Variants in RIPOR3 observed in about 807,000 individuals in gnomAD.
RIPOR3 encodes RIPOR family member 3, also known as family with sequence similarity 65 member C.
In RIPOR3, 95 loss-of-function variants were observed where a neutral mutation model predicts 114.3. The observed-to-expected ratio is 0.83, with a 90% CI of 0.70 to 0.99. The LOEUF (loss-of-function observed/expected upper bound fraction) is 0.99, where lower values mean the gene tolerates loss of function less well. RIPOR3 is among the 50% of genes least tolerant of loss of function. RIPOR3 has a pLI of 0.00. For missense variants in RIPOR3, 1,252 were observed against 1,266.9 expected, an observed-to-expected ratio of 0.99 and a Z score of 0.18; for synonymous variants, 575 against 543.8, an observed-to-expected ratio of 1.06 and a Z score of -0.80.
intron 1 of RIPOR3, among the ~76,000 whole-genome samples, chr20:50,639,061 G>T (rs1033120590): frequency 6.6e-6 from 1 of 152,232 alleles, no homozygotes. Flanking sequence ...GGTCAACATG[G>T]TGAAACCCCA....
chr20:50,616,807 G>T (rs2084188652), intron 3 of RIPOR3, among the ~76,000 whole-genome samples: 1 of 152,142 alleles, frequency 6.6e-6, no homozygotes, highest in African/African-American at 2.4e-5. Context: ...CCAAGCTGGG[G>T]CCCAGCTCAT....
intron 11 of RIPOR3, among the ~76,000 whole-genome samples, chr20:50,607,019 C>T (rs1016876503): frequency 2.6e-4 from 39 of 152,204 alleles, no homozygotes; most frequent in African/African-American, 6.3e-4. Context: ...TGTGAGCCAC[C>T]GCGCCCAACC....
At chr20:50,629,871 C>A (rs140463909) in intron 2 of RIPOR3, among the ~76,000 whole-genome samples, 27 of 152,318 alleles carry the variant, frequency 1.8e-4, no homozygotes, top group Non-Finnish European at 3.2e-4. Flanking sequence ...CAACCCCGCC[C>A]GTGGAAGACC....
chr20:50,668,451 G>A (rs938120645), intron 1 of RIPOR3, among the ~76,000 whole-genome samples: 1 of 152,128 alleles, frequency 6.6e-6, no homozygotes, highest in Non-Finnish European at 1.5e-5. Flanking sequence ...TCCTGCAGAG[G>A]CCCCAACCTT....
intron 1 of RIPOR3, among the ~76,000 whole-genome samples, chr20:50,680,131 C>T (rs567933097): frequency 6.6e-6 from 1 of 152,222 alleles, no homozygotes; most frequent in Non-Finnish European, 1.5e-5. Flanking sequence ...CACCCCCACC[C>T]TCCGCTGGCC....
intron 1 of RIPOR3, among the ~76,000 whole-genome samples, chr20:50,661,825 C>T (rs539077219): frequency 1.9e-4 from 29 of 152,344 alleles, no homozygotes; most frequent in Non-Finnish European, 3.5e-4. Context: ...CCGCGCAGGA[C>T]AGCTGCTGTC....
chr20:50,639,155 T>A (rs1384881936), intron 1 of RIPOR3, among the ~76,000 whole-genome samples: 1 of 151,682 alleles, frequency 6.6e-6, no homozygotes, highest in Non-Finnish European at 1.5e-5. Flanking sequence ...GGCAGGAGAA[T>A]TGCTTGAACC....
chr20:50,613,471 A>G (rs568535633), intron 4 of RIPOR3, among the ~76,000 whole-genome samples: 6 of 151,780 alleles, frequency 4.0e-5, no homozygotes, highest in Admixed American at 1.3e-4. Context: ...AGAAAAGAAA[A>G]GAAAAGAAAT....
At chr20:50,679,351 C>T (rs1426141305) in intron 1 of RIPOR3, among the ~76,000 whole-genome samples, 2 of 150,712 alleles carry the variant, frequency 1.3e-5, no homozygotes, top group African/African-American at 4.9e-5. Context: ...GGCCAACAAA[C>T]AGTGGACTGG....
At position 50,602,731 on chromosome 20, in the gene RIPOR3, G is replaced by A. The variant is rs112308746; in HGVS notation, c.1087-87C>T. ...GAGGGGCTTCCCCTGACAGACACCC[G>A]CTGTGCATGCCCATGTTCTCAGGAT... On this transcript the variant is annotated intron_variant, in intron 12 of 21. Transcript: ENST00000327979. The surrounding 1 kb of genome is among the most constrained non-coding windows in gnomAD (Gnocchi z 4.3). The A allele has an allele frequency of 9.4e-4, 952 of 1,014,994 alleles. 6 individuals are homozygous for A. The African/African-American group carries it at 0.012, about 13-fold the overall frequency. 62.9% of individuals were successfully genotyped at this position (1,014,994 alleles called of 1,614,324 possible).
intron 1 of RIPOR3, among the ~76,000 whole-genome samples, chr20:50,690,814 A>G (rs2087187371): frequency 6.6e-6 from 1 of 152,152 alleles, no homozygotes. Context: ...AAATGCCTAC[A>G]CAGTGCCTGG....
intron 1 of RIPOR3, among the ~76,000 whole-genome samples, chr20:50,658,648 T>C (rs1454671895): frequency 6.6e-6 from 1 of 151,978 alleles, no homozygotes; most frequent in Non-Finnish European, 1.5e-5. Flanking sequence ...AAGGTTACAG[T>C]GAGCTGTAAT....
At chr20:50,681,108 C>A (rs1347244011) in intron 1 of RIPOR3, among the ~76,000 whole-genome samples, 2 of 151,040 alleles carry the variant, frequency 1.3e-5, no homozygotes, top group Non-Finnish European at 2.9e-5. Flanking sequence ...CCTGTAGTCC[C>A]AGCTACTTGG....
At chr20:50,652,118 G>T (rs999158152) in intron 1 of RIPOR3, among the ~76,000 whole-genome samples, 1 of 152,220 alleles carries the variant, frequency 6.6e-6, no homozygotes, top group African/African-American at 2.4e-5. Context: ...TCTTTCTCTT[G>T]ATCTACATGA....
intron 11 of RIPOR3, among the ~76,000 whole-genome samples, chr20:50,607,711 C>T (rs74672918): frequency 0.016 from 2,386 of 152,256 alleles, 61 homozygotes; most frequent in African/African-American, 0.055. Flanking sequence ...ACCCAGCTCA[C>T]GAGGGAGAGG....
At chr20:50,597,535 G>A (rs751050047) in intron 14 of RIPOR3, 45 bp downstream of exon 14, 2 of 1,572,810 alleles carry the variant, frequency 1.3e-6, no homozygotes, top group South Asian at 1.2e-5. Context: ...GTCACCCGGT[G>A]GGAGTGGTGG....
At chr20:50,645,103 A>C (rs2085356289) in intron 1 of RIPOR3, among the ~76,000 whole-genome samples, 1 of 152,054 alleles carries the variant, frequency 6.6e-6, no homozygotes, top group African/African-American at 2.4e-5. Context: ...CAGCCTTCCA[A>C]AGTGCTGGGA....
chr20:50,638,872 G>C (rs552547866), intron 1 of RIPOR3, among the ~76,000 whole-genome samples: 8 of 152,170 alleles, frequency 5.3e-5, no homozygotes, highest in South Asian at 2.1e-4. Context: ...AGCCTGGAGA[G>C]AGACCCCTGA....
At chr20:50,685,784 C>A (rs1354955555) in intron 1 of RIPOR3, among the ~76,000 whole-genome samples, 2 of 141,406 alleles carry the variant, frequency 1.4e-5, no homozygotes, top group Admixed American at 7.3e-5. Context: ...CACGCCACTG[C>A]ACTCTAGCCT....
Sources: gnomAD v4.1 joint callset for allele counts (sites outside exome capture counted in the v4.1 genomes callset) on GRCh38, gnomAD v4.1.1 for gene constraint, Gnocchi (gnomAD v3.1) non-coding constraint, MANE v1.5 for transcripts, NCBI Gene and HGNC (gene_info 2026-07-23, HGNC 2026-07-21) for gene names.